CNTNAP2: variants seen among roughly 807,000 people sequenced by gnomAD.
CNTNAP2 encodes contactin-associated protein-like 2.
CNTNAP2 carries 98 observed loss-of-function variants against 155.2 expected under a neutral mutation model. The observed-to-expected ratio is 0.63, with a 90% CI of 0.54 to 0.75. The LOEUF is 0.75. Ranked by LOEUF, CNTNAP2 falls within the 30% of genes least tolerant of loss-of-function variation. CNTNAP2 has a pLI of 0.00. For synonymous variants in CNTNAP2, 651 were observed against 631.2 expected (o/e 1.03, Z -0.47); for missense variants, 1,727 against 1,688.1 (o/e 1.02, Z -0.40).
chr7:147,842,486 G>T (rs1280517806), intron 13 of CNTNAP2, among the ~76,000 whole-genome samples: 3 of 151,456 alleles, frequency 2.0e-5, no homozygotes, highest in Non-Finnish European at 4.4e-5. Context: ...CTGAGAACAA[G>T]GGGGAAGAGA....
chr7:146,976,757 C>T (rs1343973222), intron 3 of CNTNAP2, among the ~76,000 whole-genome samples: 4 of 152,086 alleles, frequency 2.6e-5, no homozygotes, highest in African/African-American at 7.2e-5. Context: ...TGTCATTACA[C>T]AAGAAGGGTA....
intron 1 of CNTNAP2, among the ~76,000 whole-genome samples, chr7:146,165,028 C>T (rs1798291182): frequency 6.6e-6 from 1 of 152,116 alleles, no homozygotes; most frequent in South Asian, 2.1e-4. Flanking sequence ...TGAACATTCA[C>T]AGTTTGGAAT....
Position 147,248,840 on chromosome 7 carries a change from C to T in CNTNAP2, c.1349-51301C>T, listed in dbSNP as rs956221950. Among the ~76,000 whole-genome samples the T allele has an allele frequency of 7.2e-5, 11 of 152,140 alleles. No homozygotes were observed. The East Asian group carries it at 1.3e-3, about 19-fold the overall frequency. On this transcript the variant is annotated intron_variant, in intron 8 of 23. Transcript: ENST00000361727. ...CATATTATTTACATGGTTTTGAAAACAGGCATGAAGAGAGAACAAGGTTGT... is the reference window on the plus strand; with the variant it reads ...CATATTATTTACATGGTTTTGAAAATAGGCATGAAGAGAGAACAAGGTTGT...
chr7:146,538,381 T>G (rs1218264716), intron 1 of CNTNAP2, among the ~76,000 whole-genome samples: 1 of 152,088 alleles, frequency 6.6e-6, no homozygotes, highest in African/African-American at 2.4e-5. Context: ...TGGAGCTGCT[T>G]GACTTGTGCT....
chr7:148,053,557 C>A (rs1802933314), intron 15 of CNTNAP2, among the ~76,000 whole-genome samples: 1 of 152,180 alleles, frequency 6.6e-6, no homozygotes, highest in Admixed American at 6.5e-5. Context: ...AAAACTTACG[C>A]TCATTATCTA....
At chr7:146,931,129 A>G (rs554633921) in intron 3 of CNTNAP2, among the ~76,000 whole-genome samples, 1 of 151,446 alleles carries the variant, frequency 6.6e-6, no homozygotes, top group Non-Finnish European at 1.5e-5. Flanking sequence ...TCAACAGAAT[A>G]TACATTCTTT....
intron 8 of CNTNAP2, among the ~76,000 whole-genome samples, chr7:147,197,300 T>C (rs1324084948): frequency 6.6e-6 from 1 of 152,202 alleles, no homozygotes; most frequent in South Asian, 2.1e-4. Context: ...GTAAATTCTG[T>C]AAACTGGCCC....
intron 3 of CNTNAP2, among the ~76,000 whole-genome samples, chr7:146,899,328 T>C (rs1018638263): frequency 1.3e-5 from 2 of 152,176 alleles, no homozygotes; most frequent in Non-Finnish European, 2.9e-5. Context: ...TATTGGACTT[T>C]TCTTCGGGGT....
intron 4 of CNTNAP2, among the ~76,000 whole-genome samples, chr7:147,092,495 G>A (rs1440469747): frequency 6.6e-6 from 1 of 152,116 alleles, no homozygotes; most frequent in Non-Finnish European, 1.5e-5. Context: ...AGTATAAGAA[G>A]TCAACTTCAA....
intron 9 of CNTNAP2, among the ~76,000 whole-genome samples, chr7:147,325,541 C>A (rs1029977082): frequency 6.6e-6 from 1 of 151,958 alleles, no homozygotes; most frequent in Non-Finnish European, 1.5e-5. Context: ...GCTTTATTTA[C>A]AAAGAACTGA....
intron 17 of CNTNAP2, among the ~76,000 whole-genome samples, chr7:148,149,548 C>T (rs1032407932): frequency 4.0e-5 from 6 of 151,772 alleles, no homozygotes; most frequent in African/African-American, 7.3e-5. Flanking sequence ...TAGAAATGTG[C>T]GTGTGTGTGT....
At chr7:146,549,585 G>C (rs1798083801) in intron 1 of CNTNAP2, among the ~76,000 whole-genome samples, 1 of 151,974 alleles carries the variant, frequency 6.6e-6, no homozygotes, top group African/African-American at 2.4e-5. Flanking sequence ...CAGCCTCTCT[G>C]TCATAAGGGC....
At chr7:147,329,770 GTTC>G (rs67917887) in intron 9 of CNTNAP2, among the ~76,000 whole-genome samples, 28,715 of 151,778 alleles carry the variant, frequency 0.19, 2,933 homozygotes, top group East Asian at 0.36. Flanking sequence ...GCCATTTATA[GTTC>G]TTAATTTATG....
intron 9 of CNTNAP2, among the ~76,000 whole-genome samples, chr7:147,308,559 T>C (rs147959927): frequency 7.4e-4 from 113 of 152,336 alleles, no homozygotes; most frequent in Middle Eastern, 3.4e-3. Context: ...CCGGTCTTCC[T>C]GACGAAAAGG....
intron 1 of CNTNAP2, among the ~76,000 whole-genome samples, chr7:146,301,215 C>T (rs145101604): frequency 6.6e-6 from 1 of 152,194 alleles, no homozygotes; most frequent in Admixed American, 6.5e-5. Flanking sequence ...GGAGCCTATG[C>T]ACCTTAATTT....
rs566635736 is a variant in CNTNAP2 at position 148,311,431 on chromosome 7, A to G, written c.3475+44305A>G. Among the ~76,000 whole-genome samples, 102 of 149,748 alleles carry G rather than the reference A, an allele frequency of 6.8e-4. 1 individual carries two copies. Among genetic ancestry groups the G allele is most frequent in the Non-Finnish European group, 1.2e-3 (84 of 67,980 alleles). ...GTGGTGGAGATAGCTGGGGAGAGGT[A>G]GAGGGTGGCAGAGGAATGGGAATGA... is the stretch of plus-strand genomic sequence containing the variant. On this transcript the variant is annotated intron_variant, in intron 21 of 23. Coordinates refer to ENST00000361727, the MANE Select transcript of CNTNAP2 (RefSeq NM_014141.6).
chr7:146,694,222 G>A (rs1800745377), intron 1 of CNTNAP2, among the ~76,000 whole-genome samples: 1 of 152,178 alleles, frequency 6.6e-6, no homozygotes, highest in South Asian at 2.1e-4. Flanking sequence ...GTAAAGAATA[G>A]ACAAAGGGCT....
chr7:146,651,102 C>G (rs1226580557), intron 1 of CNTNAP2, among the ~76,000 whole-genome samples: 1 of 151,968 alleles, frequency 6.6e-6, no homozygotes, highest in Admixed American at 6.6e-5. Context: ...CACAGGAAAT[C>G]AGGGAGAATT....
intron 15 of CNTNAP2, among the ~76,000 whole-genome samples, chr7:148,034,490 C>A (rs1403480557): frequency 1.3e-5 from 2 of 152,120 alleles, no homozygotes; most frequent in Non-Finnish European, 2.9e-5. Context: ...AGTTTGACCC[C>A]CTCTTGCCTT....
Sources: gnomAD v4.1 joint callset for allele counts (sites outside exome capture counted in the v4.1 genomes callset) on GRCh38, gnomAD v4.1.1 for gene constraint, MANE v1.5 for transcripts, NCBI Gene and HGNC (gene_info 2026-07-23, HGNC 2026-07-21) for gene names.